The following SDAD1 variants were observed in gnomAD, a reference collection of about 807,000 sequenced individuals.
SDAD1 encodes SDA1 domain containing 1.
SDAD1 carries 79 observed loss-of-function variants against 100.3 expected under a neutral mutation model. The observed-to-expected ratio is 0.79, with a 90% CI of 0.66 to 0.95. The LOEUF (loss-of-function observed/expected upper bound fraction) is 0.95, where lower values mean the gene tolerates loss of function less well. Ranked by LOEUF, SDAD1 falls within the 40% of genes least tolerant of loss-of-function variation. The pLI is 0.00. For missense variants in SDAD1, 790 were observed against 810.9 expected, an observed-to-expected ratio of 0.97 and a Z score of 0.31; for synonymous variants, 267 against 271.4, an observed-to-expected ratio of 0.98 and a Z score of 0.16.
intron 12 of SDAD1, 128 bp downstream of exon 12, chr4:75,967,149 G>A (rs1430443908): frequency 1.2e-6 from 1 of 800,386 alleles, no homozygotes; most frequent in Admixed American, 2.6e-5. Context: ...AAGAAAACAA[G>A]GGCTTCTCTT....
At position 75,964,218 on chromosome 4, in the gene SDAD1, TG is replaced by T; in HGVS notation, c.1105-8del. On this transcript the variant is annotated splice_region_variant and splice_polypyrimidine_tract_variant and intron_variant, in intron 13 of 21. Transcript: ENST00000356260. ...TAAGCAATGATTGAATAATCTGAAT[TG>T]GAAACAAAAAAGAGATGGGTGCTGA... 6.3e-7 allele frequency: 1 copy of T among 1,593,484 alleles called. No homozygotes were observed. Among genetic ancestry groups the T allele is most frequent in the South Asian group, 1.1e-5 (1 of 89,082 alleles).
chr4:75,957,442 G>GA (rs1368101731), intron 19 of SDAD1, 33 bp from the exon 20 acceptor site: 1 of 1,610,284 alleles, frequency 6.2e-7, no homozygotes, highest in East Asian at 2.2e-5. Context: ...CATGAAACAA[G>GA]AATGGAATTC....
chr4:75,954,549 T>C (rs931504497), intron 21 of SDAD1, among the ~76,000 whole-genome samples: 1 of 152,146 alleles, frequency 6.6e-6, no homozygotes, highest in Non-Finnish European at 1.5e-5. Flanking sequence ...GGCAGACGCC[T>C]GTAGTCCCAG....
At chr4:75,953,792 A>C (rs929117988) in intron 21 of SDAD1, among the ~76,000 whole-genome samples, 14 of 152,212 alleles carry the variant, frequency 9.2e-5, no homozygotes, top group African/African-American at 2.7e-4. Context: ...TATCCTGGCA[A>C]TTCTTCAGAA....
Position 75,957,692 on chromosome 4 carries a change from C to G in SDAD1, c.1595G>C (p.Ser532Thr), listed in dbSNP as rs773963650. 6.8e-6 allele frequency: 11 copies of G among 1,614,110 alleles called. No homozygotes were observed. Among genetic ancestry groups the G allele is most frequent in the Middle Eastern group, 1.6e-4 (1 of 6,084 alleles). Residue 532 changes from serine to threonine, a missense_variant, in exon 19 of 22, where the codon AGC becomes ACC. Transcript: ENST00000356260. ...EQQEISKKLN[S>T]MPMEERKAKA... ...GGCCTTCCGCTCCTCCATGGGCATG[C>G]TGTTCAGCTTCTTGGACTTGAAACC...
chr4:75,978,558 TTG>T (rs1730290121), intron 3 of SDAD1, among the ~76,000 whole-genome samples: 1 of 152,028 alleles, frequency 6.6e-6, no homozygotes, highest in African/African-American at 2.4e-5. Flanking sequence ...CACCCAAATT[TTG>T]TGTTACCCTT....
At position 75,950,718 on chromosome 4, in the gene SDAD1, A is replaced by G; in HGVS notation, c.*32T>C. On this transcript the variant is annotated 3_prime_UTR_variant, in exon 22 of 22. Transcript: ENST00000356260. ...TTCAGAGCAAGGACACAAACTTAGC[A>G]TTCTTCTAGGAATGGAAAACTTGCC... 6.6e-7 allele frequency: 1 copy of G among 1,513,598 alleles called. No individual in the cohort carries two copies. Among genetic ancestry groups the G allele is most frequent in the Non-Finnish European group, 9.1e-7 (1 of 1,096,838 alleles). The allele number at this position is 1,513,598 out of a possible 1,614,324, so 93.8% of individuals were successfully genotyped here.
intron 1 of SDAD1, among the ~76,000 whole-genome samples, chr4:75,982,581 T>A (rs574663382): frequency 2.0e-5 from 3 of 152,126 alleles, no homozygotes; most frequent in Non-Finnish European, 4.4e-5. Flanking sequence ...CCAGGGAGGT[T>A]GAGACTGCAG....
chr4:75,975,967 A>G lies in SDAD1; in HGVS notation c.434T>C (p.Ile145Thr), dbSNP rs759148212. The G allele has an allele frequency of 1.9e-6, 3 of 1,602,694 alleles. No individual in the cohort carries two copies. Among genetic ancestry groups the G allele is most frequent in the Admixed American group, 1.7e-5 (1 of 60,000 alleles). ...KTLYTHIVTD[I>T]KNINAKHKNN... ...CTTGTGTTTTGCATTTATATTCTTG[A>G]TATCAGTCACAATATGTGTGTATAA... Residue 145 changes from isoleucine (I) to threonine (T), a missense_variant, in exon 5 of 22, where the codon ATC (isoleucine) becomes ACC (threonine). By Grantham distance (89) the Ile-to-Thr change is moderately conservative (BLOSUM62 -1). Transcript: ENST00000356260.
At chr4:75,979,219 CA>C (rs1301355111) in intron 3 of SDAD1, among the ~76,000 whole-genome samples, 9 of 150,480 alleles carry the variant, frequency 6.0e-5, no homozygotes, top group Admixed American at 3.3e-4. Context: ...TTATTTCTTC[CA>C]AAAAAAATAC....
chr4:75,956,532 AG>A (rs1219623662), intron 20 of SDAD1, among the ~76,000 whole-genome samples: 4 of 152,026 alleles, frequency 2.6e-5, no homozygotes, highest in Non-Finnish European at 4.4e-5. Context: ...TGGAAGACAG[AG>A]GATGAGGTGG....
intron 15 of SDAD1, 23 bp downstream of exon 15, chr4:75,961,188 G>A (rs1281248687): frequency 1.8e-5 from 29 of 1,604,788 alleles, no homozygotes; most frequent in Non-Finnish European, 2.4e-5. Flanking sequence ...TCTTTGGTGT[G>A]TAGAGAGTAA....
Position 75,969,163 on chromosome 4 carries a change from C to T in SDAD1, c.987+133G>A, listed in dbSNP as rs942754664. On this transcript the variant is annotated intron_variant, in intron 11 of 21. Transcript: ENST00000356260. ...AAAATAGTTATTTTCAGAGATGTTA[C>T]TCTTCTGTAAATTTTATGTGTTTAA... is the stretch of plus-strand genomic sequence containing the variant. The T allele has an allele frequency of 2.2e-5, 10 of 464,256 alleles. No homozygotes were observed. The Admixed American group carries it at 2.3e-4, about 11-fold the overall frequency. The allele number at this position is 464,256 out of a possible 1,614,324, so 28.8% of individuals were successfully genotyped here.
chr4:75,988,849 CTCT>C (rs1454728463), intron 1 of SDAD1, among the ~76,000 whole-genome samples: 1 of 152,148 alleles, frequency 6.6e-6, no homozygotes, highest in Non-Finnish European at 1.5e-5. Context: ...AATCCCAAGG[CTCT>C]ACTAGCTCTA....
intron 3 of SDAD1, among the ~76,000 whole-genome samples, chr4:75,978,757 C>G (rs1252919188): frequency 6.6e-6 from 1 of 151,540 alleles, no homozygotes; most frequent in Non-Finnish European, 1.5e-5. Flanking sequence ...GGGAGAATCA[C>G]TTGAGGCCAG....
rs753298623 is a variant in SDAD1 at position 75,990,861 on chromosome 4, C to G, written c.-20G>C. 1 of 1,614,018 alleles carries G rather than the reference C, an allele frequency of 6.2e-7. No homozygotes were observed. The highest frequency in any genetic ancestry group is 2.2e-5 in the East Asian group (1 of 44,880). On this transcript the variant is annotated 5_prime_UTR_variant, in exon 1 of 22. Coordinates refer to ENST00000356260, the MANE Select transcript of SDAD1 (RefSeq NM_018115.4). ...GGACATTTTGGCTGCAGACAGACTT[C>G]GCGGCGAGCAGTTTTAAAAAAACTC...
In SDAD1 at chr4:75,950,683, T is replaced by G; in HGVS notation, c.*67A>C. The G allele has an allele frequency of 8.6e-7, 1 of 1,163,812 alleles. No individual in the cohort carries two copies. The highest frequency in any genetic ancestry group is 1.3e-6 in the Non-Finnish European group (1 of 794,152). 72.1% of individuals were successfully genotyped at this position (1,163,812 alleles called of 1,614,324 possible). A position where few individuals can be genotyped will look rare whatever the true frequency, so the allele number is the denominator to read the frequency against. ...TTTTAATGTAAACAAACATGCTTGA[T>G]TTACCAATTTTCAGAGCAAGGACAC... On this transcript the variant is annotated 3_prime_UTR_variant, in exon 22 of 22. Transcript: ENST00000356260.
chr4:75,964,466 C>T (rs1729425272), intron 13 of SDAD1, among the ~76,000 whole-genome samples: 1 of 152,196 alleles, frequency 6.6e-6, no homozygotes, highest in Non-Finnish European at 1.5e-5. Context: ...CTTGACCTCC[C>T]CTAGTTATAC....
chr4:75,969,684 C>G (rs920333989), intron 10 of SDAD1, among the ~76,000 whole-genome samples: 1 of 152,116 alleles, frequency 6.6e-6, no homozygotes, highest in East Asian at 1.9e-4. Context: ...GCTGGTCCAC[C>G]GGGGAGGCTC....
Sources: allele counts gnomAD v4.1 joint callset (sites outside exome capture counted in the v4.1 genomes callset), GRCh38; gene constraint gnomAD v4.1.1; transcripts MANE v1.5; gene names NCBI Gene and HGNC (gene_info 2026-07-23, HGNC 2026-07-21).